Variants in AP3D1 observed in about 807,000 individuals in gnomAD.
AP3D1 encodes AP-3 complex subunit delta-1.
In AP3D1, 51 loss-of-function variants were observed where a neutral mutation model predicts 147.6. The observed-to-expected ratio is 0.35, with a 90% CI of 0.28 to 0.44. The LOEUF (loss-of-function observed/expected upper bound fraction) is 0.44. Among genes scored for constraint, AP3D1 ranks in the 20% least tolerant of loss-of-function variants. AP3D1 has a pLI of 1.00. For missense variants in AP3D1, 1,421 were observed against 1,624.2 expected (o/e 0.87, Z 2.15); for synonymous variants, 760 against 663.0 (o/e 1.15, Z -2.25).
intron 5 of AP3D1, among the ~76,000 whole-genome samples, chr19:2,132,008 C>A (rs1214834552): frequency 6.6e-6 from 1 of 152,220 alleles, no homozygotes; most frequent in Admixed American, 6.5e-5. Flanking sequence ...GAGGTTAAGT[C>A]AGGCACAAAA....
intron 30 of AP3D1, 118 bp downstream of exon 30, chr19:2,108,968 G>T: frequency 1.3e-6 from 2 of 1,502,176 alleles, no homozygotes; most frequent in Non-Finnish European, 1.8e-6. Flanking sequence ...CCAGCCACCC[G>T]GGATCCCAAA....
At chr19:2,122,226 C>CAA (rs1470719076) in intron 11 of AP3D1, among the ~76,000 whole-genome samples, 164 of 136,146 alleles carry the variant, frequency 1.2e-3, no homozygotes, top group Non-Finnish European at 1.9e-3. Flanking sequence ...GCAGCAGATA[C>CAA]CCTTGGCCCA....
Position 2,108,816 on chromosome 19 carries a change from G to A in AP3D1, c.3473-50C>T, listed in dbSNP as rs776696712. 15 of 1,536,698 alleles carry A rather than the reference G, an allele frequency of 9.8e-6. No individual in the cohort carries two copies. In the South Asian group the frequency reaches 1.6e-4, roughly 16 times the overall value. On this transcript the variant is annotated intron_variant, in intron 30 of 31. Coordinates refer to ENST00000643116, the MANE Select transcript of AP3D1 (RefSeq NM_001261826.3). ...GCTTCCCGGACATTGCATGGCTGCA[G>A]CCCCACCCCCAGAGCAGGGGCCACC...
chr19:2,150,119 G>T (rs1438690721), intron 1 of AP3D1, among the ~76,000 whole-genome samples: 1 of 152,232 alleles, frequency 6.6e-6, no homozygotes, highest in Non-Finnish European at 1.5e-5. Context: ...CGGGTTCCCA[G>T]AGAGAGGGAC....
At chr19:2,109,321 C>T (rs1258745558) in intron 29 of AP3D1, 114 bp from the exon 30 acceptor site, 7 of 1,406,098 alleles carry the variant, frequency 5.0e-6, no homozygotes, top group Admixed American at 2.6e-5. Flanking sequence ...TCCTGTGTGT[C>T]TGGGCCGGGA....
intron 11 of AP3D1, 116 bp from the exon 12 acceptor site, chr19:2,121,995 A>T: frequency 8.2e-7 from 1 of 1,216,564 alleles, no homozygotes; most frequent in South Asian, 1.6e-5. Context: ...GGCCTTGGCA[A>T]CCTGGGGGTG....
chr19:2,139,871 G>A (rs1429230937), intron 1 of AP3D1, among the ~76,000 whole-genome samples: 1 of 152,164 alleles, frequency 6.6e-6, no homozygotes, highest in Non-Finnish European at 1.5e-5. Flanking sequence ...AGCAGCCCCA[G>A]GAGTACCCAC....
upstream of AP3D1, among the ~76,000 whole-genome samples, chr19:2,154,075 G>C (rs959117889): frequency 2.0e-5 from 3 of 151,148 alleles, no homozygotes; most frequent in Non-Finnish European, 4.4e-5. Flanking sequence ...AGCCTCCCGA[G>C]TAGCTGGGAT....
At chr19:2,133,651 G>A (rs948016998) in intron 4 of AP3D1, among the ~76,000 whole-genome samples, 3 of 152,178 alleles carry the variant, frequency 2.0e-5, no homozygotes, top group African/African-American at 7.2e-5. Context: ...TTACAGGTGC[G>A]TGTCACCACG....
chr19:2,120,199 CTG>C (rs1432564312), intron 14 of AP3D1, among the ~76,000 whole-genome samples: 1 of 152,222 alleles, frequency 6.6e-6, no homozygotes, highest in African/African-American at 2.4e-5. Context: ...ATCCAGACTG[CTG>C]TGAGAACCGT....
At chr19:2,121,415 C>T (rs907878366) in intron 12 of AP3D1, 104 bp from the exon 13 acceptor site, 13 of 1,411,324 alleles carry the variant, frequency 9.2e-6, no homozygotes, top group African/African-American at 2.8e-5. Context: ...GGGACACAGG[C>T]GGACCCGGAT....
At chr19:2,149,486 T>C (rs961532023) in intron 1 of AP3D1, among the ~76,000 whole-genome samples, 6 of 148,388 alleles carry the variant, frequency 4.0e-5, no homozygotes, top group African/African-American at 1.5e-4. Flanking sequence ...AAGGTTGTGG[T>C]GAGCCAAGAT....
At chr19:2,155,855 A>G (rs976023145), upstream of AP3D1, among the ~76,000 whole-genome samples, 2 of 152,094 alleles carry the variant, frequency 1.3e-5, no homozygotes, top group Admixed American at 6.6e-5. Context: ...GATTGAGACC[A>G]TCCTGGCTAA....
Position 2,116,763 on chromosome 19 carries a change from G to A in AP3D1, c.1860-17C>T, listed in dbSNP as rs1202874632. The A allele has an allele frequency of 8.2e-6, 13 of 1,594,540 alleles. No individual in the cohort carries two copies. Among genetic ancestry groups the A allele is most frequent in the Middle Eastern group, 1.7e-4 (1 of 5,908 alleles). On this transcript the variant is annotated splice_polypyrimidine_tract_variant and intron_variant, in intron 16 of 31. Transcript: ENST00000643116. ...AGGTCCAGGCTGCACCGGACAGGAG[G>A]GCCACACAAGGCAGTGTGTGACCGA...
Position 2,110,709 on chromosome 19 carries a change from G to C in AP3D1, c.3173C>G (p.Pro1058Arg), listed in dbSNP as rs1568276443. ...DGVPVPFQLPPGVSNEAQYVF... is the reference protein window; with the variant it reads ...DGVPVPFQLPRGVSNEAQYVF... ...GCCGTGAGTGGGGCAGGGCTCACCT[G>C]GGGGCAGCTGGAAAGGCACGGGGAC... The change falls in exon 27 of 32, where the codon CCA becomes CGA. Residue 1058 changes from proline (P) to arginine (R), a missense_variant and splice_region_variant. Transcript: ENST00000643116. The C allele has an allele frequency of 6.3e-7, 1 of 1,595,538 alleles. No homozygotes were observed. Among genetic ancestry groups the C allele is most frequent in the East Asian group, 2.3e-5 (1 of 43,874 alleles).
At chr19:2,154,815 A>T (rs141624408), upstream of AP3D1, among the ~76,000 whole-genome samples, 10 of 152,374 alleles carry the variant, frequency 6.6e-5, no homozygotes, top group East Asian at 1.9e-3. Flanking sequence ...ATATGAGATC[A>T]TACTAATTTT....
chr19:2,116,358 C>G, intron 17 of AP3D1, 80 bp from the exon 18 acceptor site: 1 of 1,439,896 alleles, frequency 6.9e-7, no homozygotes. Context: ...AGCCACCCAG[C>G]TGGGGAAGGC....
At chr19:2,163,984 G>A (rs922069215) in intron 1 of AP3D1, among the ~76,000 whole-genome samples, 6 of 149,752 alleles carry the variant, frequency 4.0e-5, no homozygotes, top group South Asian at 4.1e-4. Context: ...GGAGGCCCCG[G>A]GCCTGTGACT....
Position 2,118,785 on chromosome 19 carries a change from CTG to C in AP3D1, c.1527_1528del (p.Arg510SerfsTer119). On this transcript the variant is annotated frameshift_variant, in exon 15 of 32. Coordinates refer to ENST00000643116, the MANE Select transcript of AP3D1 (RefSeq NM_001261826.3). LOFTEE classifies it high-confidence loss of function. Reference sequence around the variant, plus strand: ...GATGTGGCCTGGCAGCGTGGTGACTCTGGGCCGCAGCATGGCCTCCAAAGTGT... The same window carrying C: ...GATGTGGCCTGGCAGCGTGGTGACTCGGCCGCAGCATGGCCTCCAAAGTGT... 1 of 1,613,786 alleles carries C rather than the reference CTG, an allele frequency of 6.2e-7. No individual in the cohort carries two copies. The highest frequency in any genetic ancestry group is 8.5e-7 in the Non-Finnish European group (1 of 1,180,018).
Sources: gnomAD v4.1 joint callset for allele counts (sites outside exome capture counted in the v4.1 genomes callset) on GRCh38, gnomAD v4.1.1 for gene constraint, MANE v1.5 for transcripts, NCBI Gene and HGNC (gene_info 2026-07-23, HGNC 2026-07-21) for gene names.